The following DZIP1 variants were observed in gnomAD, a reference collection of about 807,000 sequenced individuals.
DZIP1 encodes cilium assembly protein DZIP1.
In DZIP1, 97 loss-of-function variants were observed where a neutral mutation model predicts 107.6. The observed-to-expected ratio is 0.90, with a 90% CI of 0.77 to 1.07. The LOEUF is 1.07. DZIP1 is among the 50% of genes least tolerant of loss of function. DZIP1 has a pLI of 0.00. For missense variants in DZIP1, 1,035 were observed against 1,063.6 expected (o/e 0.97, Z 0.37); for synonymous variants, 390 against 386.4 (o/e 1.01, Z -0.11).
intron 6 of DZIP1, among the ~76,000 whole-genome samples, chr13:95,631,826 C>T (rs1877232013): frequency 6.6e-6 from 1 of 152,084 alleles, no homozygotes; most frequent in African/African-American, 2.4e-5. Flanking sequence ...ACAGTAGGAC[C>T]ACTCCCTCAT....
At chr13:95,621,012 A>C (rs1336924914) in intron 9 of DZIP1, among the ~76,000 whole-genome samples, 3 of 152,208 alleles carry the variant, frequency 2.0e-5, no homozygotes. Context: ...CCTGCTCTGC[A>C]CGGGAGGCGA....
intron 5 of DZIP1, among the ~76,000 whole-genome samples, chr13:95,638,402 A>G (rs1163284920): frequency 2.6e-5 from 4 of 151,976 alleles, no homozygotes; most frequent in Non-Finnish European, 5.9e-5. Context: ...ACCTGAGTTA[A>G]ATCTAAGAGG....
chr13:95,610,137 A>G (rs1235087786), intron 12 of DZIP1, among the ~76,000 whole-genome samples: 1 of 151,388 alleles, frequency 6.6e-6, no homozygotes, highest in Non-Finnish European at 1.5e-5. Flanking sequence ...AGAGAGAGAC[A>G]GAGACAGACA....
intron 13 of DZIP1, 150 bp from the exon 14 acceptor site, chr13:95,606,209 C>A: frequency 1.6e-6 from 1 of 624,628 alleles, no homozygotes; most frequent in Admixed American, 3.0e-5. Context: ...TATTACACAA[C>A]TAACATAAAC....
chr13:95,640,307 C>T (rs979037260), intron 5 of DZIP1, among the ~76,000 whole-genome samples: 1 of 152,076 alleles, frequency 6.6e-6, no homozygotes, highest in Non-Finnish European at 1.5e-5. Flanking sequence ...CACTGTTCCC[C>T]TATCTTAAGA....
Position 95,593,969 on chromosome 13 carries a change from T to C in DZIP1, c.1655A>G (p.Lys552Arg). The C allele has an allele frequency of 6.2e-7, 1 of 1,609,740 alleles. No individual in the cohort carries two copies. Among genetic ancestry groups the C allele is most frequent in the African/African-American group, 1.3e-5 (1 of 74,800 alleles). Residue 552 changes from lysine (K) to arginine (R), a missense_variant, in exon 16 of 23, where the codon AAA becomes AGA. Lys to Arg is a conservative substitution (Grantham distance 26, BLOSUM62 2). Transcript: ENST00000376829. ...RTMVEQNLME[K>R]LETLGINADI... The stretch of plus-strand genomic sequence containing the variant: ...TGCATTAATCCCCAAGGTTTCCAGT[T>C]TCTCCATCAAGTTCTGCTCCACCAT...
chr13:95,578,524 T>C lies in DZIP1; in HGVS notation c.*3710A>G, dbSNP rs1426764387. ...TGTTTTTTTTAAGTATTCTACAACA[T>C]TTATTTAAAAAGGTAAATCTTTTTG... On this transcript the variant is annotated 3_prime_UTR_variant, in exon 23 of 23. Transcript: ENST00000376829. The C allele has an allele frequency of 6.6e-6, 1 of 152,194 alleles. No homozygotes were observed. Among genetic ancestry groups the C allele is most frequent in the Non-Finnish European group, 1.5e-5 (1 of 68,056 alleles). 9.4% of individuals were successfully genotyped at this position (152,194 alleles called of 1,614,324 possible).
At chr13:95,634,084 TCAACAA>T (rs1877520881) in intron 5 of DZIP1, among the ~76,000 whole-genome samples, 1 of 152,232 alleles carries the variant, frequency 6.6e-6, no homozygotes, top group South Asian at 2.1e-4. Flanking sequence ...TTCCACTCTA[TCAACAA>T]CAACCTGCCC....
intron 20 of DZIP1, among the ~76,000 whole-genome samples, chr13:95,586,766 T>C (rs929881040): frequency 6.6e-6 from 1 of 151,972 alleles, no homozygotes; most frequent in Non-Finnish European, 1.5e-5. Context: ...CCTGATATGT[T>C]TAAAATATAT....
chr13:95,592,431 A>G (rs1298006274), intron 16 of DZIP1, among the ~76,000 whole-genome samples: 1 of 152,226 alleles, frequency 6.6e-6, no homozygotes, highest in Non-Finnish European at 1.5e-5. Context: ...TCCACTGCCC[A>G]AAGGGTGGTC....
chr13:95,584,669 T>G (rs1212673404), intron 22 of DZIP1, 67 bp downstream of exon 22: 2 of 1,535,594 alleles, frequency 1.3e-6, no homozygotes, highest in East Asian at 4.5e-5. Context: ...AATTAGATAT[T>G]TATAAAGATG....
chr13:95,606,954 T>C (rs1266358771), intron 13 of DZIP1, among the ~76,000 whole-genome samples: 1 of 152,264 alleles, frequency 6.6e-6, no homozygotes, highest in East Asian at 1.9e-4. Flanking sequence ...CAGTATGGTC[T>C]ATTAGTTTAC....
chr13:95,581,302 T>C lies in DZIP1; in HGVS notation c.*932A>G, dbSNP rs2044007982. ...TGTTTAAGAATGTAACTAAATTACT[T>C]TTGAGGTATTTCATAATACATGTTG... On this transcript the variant is annotated 3_prime_UTR_variant, in exon 23 of 23. Transcript: ENST00000376829. 1 of 152,602 alleles carries C rather than the reference T, an allele frequency of 6.6e-6. No homozygotes were observed. Among genetic ancestry groups the C allele is most frequent in the African/African-American group, 2.4e-5 (1 of 41,442 alleles). 9.5% of individuals were successfully genotyped at this position (152,602 alleles called of 1,614,324 possible).
chr13:95,603,621 T>G (rs1473033735), intron 14 of DZIP1, among the ~76,000 whole-genome samples: 1 of 152,146 alleles, frequency 6.6e-6, no homozygotes, highest in Non-Finnish European at 1.5e-5. Context: ...AATACCACCA[T>G]TTAGTCACTA....
chr13:95,607,909 A>G (rs1010030862), intron 13 of DZIP1, among the ~76,000 whole-genome samples: 1 of 152,222 alleles, frequency 6.6e-6, no homozygotes, highest in Non-Finnish European at 1.5e-5. Context: ...GCTTTATATT[A>G]GACATTACAA....
chr13:95,641,380 T>C lies in DZIP1; in HGVS notation c.512A>G (p.Lys171Arg). The C allele has an allele frequency of 6.2e-7, 1 of 1,614,162 alleles. No homozygotes were observed. Among genetic ancestry groups the C allele is most frequent in the Non-Finnish European group, 8.5e-7 (1 of 1,180,008 alleles). ...GCGTTTGCACTCTTCCTTGAGCGTCTTGATCTCCCCCGCCTGCTTGGTGAG... is the reference window on the plus strand; with the variant it reads ...GCGTTTGCACTCTTCCTTGAGCGTCCTGATCTCCCCCGCCTGCTTGGTGAG... ...KLLTKQAGEIKTLKEECKRRK... is the reference protein window; with the variant it reads ...KLLTKQAGEIRTLKEECKRRK... The change falls in exon 5 of 23, where the codon AAG (lysine) becomes AGG (arginine). Residue 171 changes from lysine (K) to arginine (R), a missense_variant. Transcript: ENST00000376829. This position sits in a 1 kb window ranked among gnomAD's most constrained non-coding sequence, Gnocchi z 4.3.
intron 20 of DZIP1, 60 bp downstream of exon 20, chr13:95,587,479 C>T (rs2044191545): frequency 1.3e-6 from 2 of 1,575,674 alleles, no homozygotes; most frequent in Non-Finnish European, 1.7e-6. Context: ...TCGGTACACA[C>T]GGGTGAGGAC....
At chr13:95,634,390 C>T (rs931609841) in intron 5 of DZIP1, among the ~76,000 whole-genome samples, 2 of 150,658 alleles carry the variant, frequency 1.3e-5, no homozygotes, top group Non-Finnish European at 1.5e-5. Flanking sequence ...CGTTTGTGTA[C>T]TTCACTTGTT....
intron 12 of DZIP1, among the ~76,000 whole-genome samples, chr13:95,609,893 A>G (rs2044923957): frequency 1.3e-5 from 2 of 152,178 alleles, no homozygotes; most frequent in African/African-American, 4.8e-5. Flanking sequence ...AAATAGACAA[A>G]GATTCCTCAA....
Sources: allele counts gnomAD v4.1 joint callset (sites outside exome capture counted in the v4.1 genomes callset), GRCh38; gene constraint gnomAD v4.1.1; non-coding constraint Gnocchi (gnomAD v3.1); transcripts MANE v1.5; gene names NCBI Gene and HGNC (gene_info 2026-07-23, HGNC 2026-07-21).